The following AUTS2 variants were observed in gnomAD, a reference collection of about 807,000 sequenced individuals.
AUTS2 encodes the protein autism susceptibility gene 2 protein.
In AUTS2, 17 loss-of-function variants were observed where a neutral mutation model predicts 112.4. The ratio of observed to expected loss-of-function variants is 0.15; its 90% CI spans 0.10 to 0.23. The LOEUF (loss-of-function observed/expected upper bound fraction) is 0.23, where lower values mean the gene tolerates loss of function less well. Ranked by LOEUF, AUTS2 falls within the 10% of genes least tolerant of loss-of-function variation. The pLI, the probability that AUTS2 is intolerant of heterozygous loss-of-function variation, is 1.00. For missense variants in AUTS2, 1,510 were observed against 1,701.6 expected (o/e 0.89, Z 1.98); for synonymous variants, 751 against 702.7 (o/e 1.07, Z -1.09).
chr7:69,691,447 A>T (rs1293972686), intron 1 of AUTS2, among the ~76,000 whole-genome samples: 3 of 151,962 alleles, frequency 2.0e-5, no homozygotes. Context: ...TCCCTCCTGC[A>T]CCTGTTTGCA....
intron 5 of AUTS2, among the ~76,000 whole-genome samples, chr7:70,480,838 C>G (rs1797761503): frequency 6.6e-6 from 1 of 152,112 alleles, no homozygotes; most frequent in Admixed American, 6.5e-5. Flanking sequence ...CCAGAGAAGG[C>G]TTCAAGGAAG....
At chr7:70,174,217 G>A (rs1453441559) in intron 4 of AUTS2, among the ~76,000 whole-genome samples, 1 of 152,174 alleles carries the variant, frequency 6.6e-6, no homozygotes, top group African/African-American at 2.4e-5. Context: ...AGTCTTGATG[G>A]GAGATGAAAC....
chr7:70,102,064 G>A (rs1804526454), intron 2 of AUTS2, among the ~76,000 whole-genome samples: 1 of 150,174 alleles, frequency 6.7e-6, no homozygotes, highest in Non-Finnish European at 1.5e-5. Context: ...AGCTTTCATT[G>A]TCCAATAGCA....
intron 6 of AUTS2, among the ~76,000 whole-genome samples, chr7:70,757,084 A>G (rs1789257226): frequency 6.6e-6 from 1 of 152,208 alleles, no homozygotes; most frequent in African/African-American, 2.4e-5. Context: ...TCCAATGGGA[A>G]CTATCTATTA....
intron 1 of AUTS2, among the ~76,000 whole-genome samples, chr7:69,798,386 A>G (rs1789941060): frequency 6.6e-6 from 1 of 152,108 alleles, no homozygotes; most frequent in Admixed American, 6.5e-5. Flanking sequence ...TAAACGTTGC[A>G]TTACCCCCTC....
At chr7:70,325,384 AAAG>A (rs1398331471) in intron 4 of AUTS2, among the ~76,000 whole-genome samples, 8 of 152,292 alleles carry the variant, frequency 5.3e-5, no homozygotes, top group South Asian at 4.1e-4. Flanking sequence ...TTTCTTATGT[AAAG>A]AAGTACAAAA....
chr7:70,610,423 CTTTTTTTTTTTTTTT>C lies in AUTS2; in HGVS notation c.691-88131_691-88117del, dbSNP rs3054735. ...ATTCTCACCAAAACTTAGCGCTCAT[CTTTTTTTTTTTTTTT>C]TTTTTTTTTTTTTTCCTGACAGAGT... On this transcript the variant is annotated intron_variant, in intron 5 of 18. Transcript: ENST00000342771. Among the ~76,000 whole-genome samples the C allele has an allele frequency of 6.5e-5, 5 of 77,442 alleles. No individual in the cohort carries two copies. In the East Asian group the frequency reaches 1.6e-3, roughly 24 times the overall value. The allele number at this position is 77,442 out of a possible 152,430, so 50.8% of individuals were successfully genotyped here. A position where few individuals can be genotyped will look rare whatever the true frequency, so the allele number is the denominator to read the frequency against.
intron 5 of AUTS2, among the ~76,000 whole-genome samples, chr7:70,478,626 C>T (rs1797671702): frequency 6.6e-6 from 1 of 152,156 alleles, no homozygotes; most frequent in Non-Finnish European, 1.5e-5. Context: ...CAACGTCATC[C>T]ACCTCTTTCG....
intron 5 of AUTS2, among the ~76,000 whole-genome samples, chr7:70,474,902 C>A (rs992461993): frequency 6.6e-6 from 1 of 152,214 alleles, no homozygotes; most frequent in African/African-American, 2.4e-5. Context: ...AGGTCTGGCT[C>A]ATACTCCTTT....
At chr7:70,454,052 T>A (rs184466552) in intron 5 of AUTS2, among the ~76,000 whole-genome samples, 1 of 152,210 alleles carries the variant, frequency 6.6e-6, no homozygotes, top group East Asian at 1.9e-4. Flanking sequence ...TTGTCCCCTG[T>A]GGGTTGGCGT....
intron 5 of AUTS2, among the ~76,000 whole-genome samples, chr7:70,681,050 A>T (rs2129545158): frequency 6.6e-6 from 1 of 152,346 alleles, no homozygotes; most frequent in Middle Eastern, 3.4e-3. Flanking sequence ...ACTTCAAAGG[A>T]GGCACAGACC....
chr7:69,909,071 TA>T (rs1795255096), intron 2 of AUTS2, among the ~76,000 whole-genome samples: 1 of 152,196 alleles, frequency 6.6e-6, no homozygotes, highest in Non-Finnish European at 1.5e-5. Flanking sequence ...TATTTTCAAT[TA>T]AAAATTGCAA....
At chr7:70,357,700 G>C (rs887661765) in intron 4 of AUTS2, among the ~76,000 whole-genome samples, 3 of 152,180 alleles carry the variant, frequency 2.0e-5, no homozygotes, top group African/African-American at 7.2e-5. Flanking sequence ...AAATCATTAT[G>C]AAGTAAGCTT....
intron 4 of AUTS2, among the ~76,000 whole-genome samples, chr7:70,316,043 C>G (rs1464179364): frequency 1.3e-5 from 2 of 152,098 alleles, no homozygotes; most frequent in African/African-American, 4.8e-5. Context: ...ATGGTTGATG[C>G]CCTGCATAGA....
chr7:70,723,100 A>G lies in AUTS2; in HGVS notation c.742+24480A>G, dbSNP rs10280261. Among the ~76,000 whole-genome samples, 1,071 of 152,322 alleles carry G rather than the reference A, an allele frequency of 7.0e-3. 17 individuals carry two copies. Among genetic ancestry groups the G allele is most frequent in the African/African-American group, 0.023 (938 of 41,566 alleles). On this transcript the variant is annotated intron_variant, in intron 6 of 18. Transcript: ENST00000342771. ...AGGAGTAGAGAACGTGAGCTTCTTG[A>G]GTCACCTGCAATGGGTGGTGTTTTA...
intron 6 of AUTS2, among the ~76,000 whole-genome samples, chr7:70,709,671 TACC>T (rs1809942902): frequency 1.3e-5 from 2 of 152,166 alleles, no homozygotes; most frequent in Admixed American, 1.3e-4. Flanking sequence ...AGATAGGCGC[TACC>T]ACACTCCAGC....
At chr7:69,924,612 C>T (rs906163640) in intron 2 of AUTS2, among the ~76,000 whole-genome samples, 2 of 150,862 alleles carry the variant, frequency 1.3e-5, no homozygotes, top group African/African-American at 4.9e-5. Flanking sequence ...AGTGCAATGG[C>T]GCAAACTCAG....
At chr7:70,093,134 G>T (rs1804009554) in intron 2 of AUTS2, among the ~76,000 whole-genome samples, 1 of 152,164 alleles carries the variant, frequency 6.6e-6, no homozygotes, top group African/African-American at 2.4e-5. Context: ...AGCCCAGCTG[G>T]AGTACCAGCA....
At chr7:70,328,460 GATC>G (rs1790594081) in intron 4 of AUTS2, among the ~76,000 whole-genome samples, 2 of 152,028 alleles carry the variant, frequency 1.3e-5, no homozygotes, top group Admixed American at 1.3e-4. Flanking sequence ...GACCTCAAAT[GATC>G]TTCCCACCTT....
Sources: allele counts gnomAD v4.1 joint callset (sites outside exome capture counted in the v4.1 genomes callset), GRCh38; gene constraint gnomAD v4.1.1; transcripts MANE v1.5; gene names NCBI Gene and HGNC (gene_info 2026-07-23, HGNC 2026-07-21).